NCOA2: variants seen among roughly 807,000 people sequenced by gnomAD.
NCOA2 encodes the protein nuclear receptor coactivator 2, also known as class E basic helix-loop-helix protein 75.
In NCOA2, 21 loss-of-function variants were observed where a neutral mutation model predicts 145.1. That is an observed-to-expected ratio of 0.14 (90% CI 0.10 to 0.21). The LOEUF is 0.21. Among genes scored for constraint, NCOA2 ranks in the 10% least tolerant of loss-of-function variants. The pLI is 1.00. For synonymous variants in NCOA2, 619 were observed against 637.5 expected (o/e 0.97, Z 0.44); for missense variants, 1,472 against 1,837.6 (o/e 0.80, Z 3.64).
the NCOA2 span, among the ~76,000 whole-genome samples, chr8:70,435,829 A>C: frequency 6.6e-6 from 1 of 151,552 alleles, no homozygotes; most frequent in Admixed American, 6.6e-5. Context: ...GCTGCTTATA[A>C]TTTAGAAAAC....
rs1180289622 is a variant in NCOA2 at position 70,156,571 on chromosome 8, T to G, written c.1794A>C (p.Gly598=). The G allele has an allele frequency of 6.2e-7, 1 of 1,613,930 alleles. No individual in the cohort carries two copies. The highest frequency in any genetic ancestry group is 1.1e-5 in the South Asian group (1 of 91,078). ...LYGEPSEGTT[G]QAESSCHPGE... is the part of the protein sequence containing the mutation. The stretch of plus-strand genomic sequence containing the variant: ...CAGGATGGCAGCTGCTCTCTGCTTG[T>G]CCAGTTGTACCTTCAGAGGGCTCCC... Residue 598 remains glycine, a synonymous_variant, in exon 11 of 23, where the codon GGA becomes GGC. Coordinates refer to ENST00000452400, the MANE Select transcript of NCOA2 (RefSeq NM_006540.4).
At position 70,138,323 on chromosome 8, in the gene NCOA2, T is replaced by C. The variant is rs1391333703; in HGVS notation, c.3038A>G (p.Glu1013Gly). Residue 1013 changes from glutamate (E) to glycine (G), a missense_variant, in exon 15 of 23, where the codon GAA (glutamate) becomes GGA (glycine). By Grantham distance (98) the Glu-to-Gly change is moderately conservative (BLOSUM62 -2). Coordinates refer to ENST00000452400, the MANE Select transcript of NCOA2 (RefSeq NM_006540.4). ...AGGTCCCCCCATGTTCATCTCTAAT[T>C]CAGATGGCCCTAGAAAGGGAGAAGA... is the stretch of plus-strand genomic sequence containing the variant. ...QSQVMNIGPS[E>G]LEMNMGGPQY... 6.2e-7 allele frequency: 1 copy of C among 1,608,986 alleles called. No homozygotes were observed. The highest frequency in any genetic ancestry group is 1.1e-5 in the South Asian group (1 of 89,850).
chr8:70,325,603 G>A (rs576876353), intron 1 of NCOA2, among the ~76,000 whole-genome samples: 3 of 151,936 alleles, frequency 2.0e-5, no homozygotes, highest in Non-Finnish European at 4.4e-5. Context: ...GGATTTCGCC[G>A]TGTCACCCAG....
chr8:70,446,490 G>A, the NCOA2 span, among the ~76,000 whole-genome samples: 3 of 152,084 alleles, frequency 2.0e-5, no homozygotes, highest in Non-Finnish European at 2.9e-5. Flanking sequence ...AATGACTGTG[G>A]CACTTACTGT....
chr8:70,393,034 G>A (rs1813343864), intron 1 of NCOA2, among the ~76,000 whole-genome samples: 1 of 152,176 alleles, frequency 6.6e-6, no homozygotes, highest in Admixed American at 6.5e-5. Flanking sequence ...ACCCCTCGGT[G>A]GGAAGACATT....
At chr8:70,348,441 G>C (rs895295859) in intron 1 of NCOA2, among the ~76,000 whole-genome samples, 1 of 152,178 alleles carries the variant, frequency 6.6e-6, no homozygotes, top group Non-Finnish European at 1.5e-5. Flanking sequence ...GTAATTTGGG[G>C]CTAAAGAGTG....
chr8:70,223,144 A>G (rs969596134), intron 2 of NCOA2, among the ~76,000 whole-genome samples: 1 of 152,168 alleles, frequency 6.6e-6, no homozygotes, highest in African/African-American at 2.4e-5. Context: ...TATTATTCTG[A>G]AAACCAGTTT....
intron 2 of NCOA2, among the ~76,000 whole-genome samples, chr8:70,225,959 A>G (rs1563649058): frequency 6.6e-6 from 1 of 152,220 alleles, no homozygotes; most frequent in African/African-American, 2.4e-5. Context: ...TGAAATGTTA[A>G]GGGCACAGAA....
the NCOA2 span, among the ~76,000 whole-genome samples, chr8:70,424,844 C>T: frequency 6.6e-6 from 1 of 152,136 alleles, no homozygotes; most frequent in African/African-American, 2.4e-5. Context: ...TGAGTTGTTT[C>T]CATCCACTTG....
intron 4 of NCOA2, among the ~76,000 whole-genome samples, chr8:70,201,657 G>A (rs1702973470): frequency 6.6e-6 from 1 of 152,210 alleles, no homozygotes; most frequent in African/African-American, 2.4e-5. Flanking sequence ...AGTAATAAGA[G>A]GAGGAAAGAA....
chr8:70,329,516 C>G (rs1806890208), intron 1 of NCOA2, among the ~76,000 whole-genome samples: 1 of 152,086 alleles, frequency 6.6e-6, no homozygotes, highest in Non-Finnish European at 1.5e-5. Context: ...GCTAGCATTA[C>G]AGGTGTGAGT....
intron 1 of NCOA2, among the ~76,000 whole-genome samples, chr8:70,320,829 T>C (rs1331699813): frequency 6.6e-6 from 1 of 152,166 alleles, no homozygotes; most frequent in African/African-American, 2.4e-5. Flanking sequence ...AAAACAAGGA[T>C]TCTGTGTTTT....
chr8:70,447,110 T>C, the NCOA2 span, among the ~76,000 whole-genome samples: 3 of 152,360 alleles, frequency 2.0e-5, no homozygotes, highest in South Asian at 6.2e-4. Flanking sequence ...TGAATTTCTC[T>C]TTGGCAATCA....
intron 2 of NCOA2, among the ~76,000 whole-genome samples, chr8:70,252,336 A>T (rs565419423): frequency 6.6e-6 from 1 of 152,302 alleles, no homozygotes; most frequent in East Asian, 1.9e-4. Flanking sequence ...GCATTTTGGG[A>T]GGCTGAGGTC....
intron 1 of NCOA2, among the ~76,000 whole-genome samples, chr8:70,395,212 C>T (rs150663098): frequency 3.3e-5 from 5 of 152,162 alleles, no homozygotes; most frequent in African/African-American, 1.2e-4. Context: ...AAGGTTCATA[C>T]CCAAAGTGAA....
At chr8:70,405,437 GTTTTTTTTTTT>G (rs34814735), upstream of NCOA2, among the ~76,000 whole-genome samples, 2 of 59,364 alleles carry the variant, frequency 3.4e-5, no homozygotes, top group South Asian at 9.5e-4. Flanking sequence ...ATTTTTAAAG[GTTTTTTTTTTT>G]TTTTTTTTTT....
At chr8:70,213,674 C>T (rs1282385773) in intron 4 of NCOA2, among the ~76,000 whole-genome samples, 1 of 152,156 alleles carries the variant, frequency 6.6e-6, no homozygotes, top group African/African-American at 2.4e-5. Flanking sequence ...AGTTCCATCA[C>T]CCTGACTCAC....
chr8:70,258,489 G>C (rs1026148982), intron 2 of NCOA2, among the ~76,000 whole-genome samples: 1 of 152,072 alleles, frequency 6.6e-6, no homozygotes, highest in Non-Finnish European at 1.5e-5. Flanking sequence ...GGAGAGGGGA[G>C]ATAGGAAATC....
Position 70,141,290 on chromosome 8 carries a change from C to A in NCOA2, c.2922G>T (p.Arg974=). The change falls in exon 14 of 23, where the codon CGG becomes CGT. Residue 974 remains arginine (R), a synonymous_variant. Coordinates refer to ENST00000452400, the MANE Select transcript of NCOA2 (RefSeq NM_006540.4). The part of the protein sequence containing the change: ...TCAATTSAMN[R]PVQGGMIRNP... ...TCCGAATCATACCTCCTTGGACTGG[C>A]CGGTTCATGGCACTGGTGGTAGCAG... 1 of 1,613,882 alleles carries A rather than the reference C, an allele frequency of 6.2e-7. No individual in the cohort carries two copies. Among genetic ancestry groups the A allele is most frequent in the South Asian group, 1.1e-5 (1 of 91,048 alleles).
Sources: gnomAD v4.1 joint callset for allele counts (sites outside exome capture counted in the v4.1 genomes callset) on GRCh38, gnomAD v4.1.1 for gene constraint, MANE v1.5 for transcripts, NCBI Gene and HGNC (gene_info 2026-07-23, HGNC 2026-07-21) for gene names.